The following ROCK1 variants were observed in gnomAD, a reference collection of about 807,000 sequenced individuals.
ROCK1 encodes the protein rho-associated protein kinase 1.
Under a neutral mutation model 196.8 loss-of-function variants are expected in ROCK1, and 36 were observed. The ratio of observed to expected loss-of-function variants is 0.18; its 90% CI spans 0.14 to 0.24. ROCK1 has a LOEUF of 0.24. Among genes scored for constraint, ROCK1 ranks in the 10% least tolerant of loss-of-function variants. The probability of loss-of-function intolerance (pLI) is 1.00; values close to 1 mark genes in which losing one functional copy is unlikely to be tolerated. For missense variants in ROCK1, 920 were observed against 1,562.0 expected (o/e 0.59, Z 6.93); for synonymous variants, 443 against 515.9 (o/e 0.86, Z 1.91).
At chr18:20,985,038 T>C (rs1467149631) in intron 19 of ROCK1, among the ~76,000 whole-genome samples, 1 of 151,712 alleles carries the variant, frequency 6.6e-6, no homozygotes, top group Non-Finnish European at 1.5e-5. Flanking sequence ...GAGTCAGAGG[T>C]TGCAGTGAGC....
chr18:21,022,229 G>A (rs1365358501), intron 11 of ROCK1, among the ~76,000 whole-genome samples: 1 of 152,022 alleles, frequency 6.6e-6, no homozygotes, highest in African/African-American at 2.4e-5. Context: ...TAATTACTCT[G>A]GATATTTTTC....
chr18:21,070,888 T>C (rs1220115880), intron 1 of ROCK1, among the ~76,000 whole-genome samples: 6 of 152,188 alleles, frequency 3.9e-5, no homozygotes, highest in Non-Finnish European at 8.8e-5. Flanking sequence ...TTTCCCCTCA[T>C]AAGGACATGA....
Position 21,028,860 on chromosome 18 carries a change from C to T in ROCK1, c.1127G>A (p.Gly376Glu). 6.2e-7 allele frequency: 1 copy of T among 1,612,776 alleles called. No homozygotes were observed. The highest frequency in any genetic ancestry group is 8.5e-7 in the Non-Finnish European group (1 of 1,179,496). ...SNFDDLEEDK[G>E]EEETFPIPKA... ...AGGAATAGGGAATGTTTCTTCCTCT[C>T]CTTTATCTTCTTCCAAGTCATCAAA... is the stretch of plus-strand genomic sequence containing the variant. Residue 376 changes from glycine (G) to glutamate (E), a missense_variant, in exon 10 of 33, where the codon GGA becomes GAA. This residue lies in a region of ROCK1 where 234 missense variants were observed against 460.7 expected (regional missense o/e 0.51). Transcript: ENST00000399799.
intron 2 of ROCK1, among the ~76,000 whole-genome samples, chr18:21,058,073 C>G (rs2036259186): frequency 6.6e-6 from 1 of 151,928 alleles, no homozygotes; most frequent in African/African-American, 2.4e-5. Context: ...AGAAATAGAA[C>G]AAACTGTATA....
chr18:21,062,216 C>T (rs2036297444), intron 2 of ROCK1, among the ~76,000 whole-genome samples: 1 of 151,872 alleles, frequency 6.6e-6, no homozygotes, highest in African/African-American at 2.4e-5. Flanking sequence ...GATTTCAGGG[C>T]TGAGGGAAAA....
At chr18:21,028,131 A>G (rs1164726289) in intron 10 of ROCK1, among the ~76,000 whole-genome samples, 1 of 149,234 alleles carries the variant, frequency 6.7e-6, no homozygotes, top group Non-Finnish European at 1.5e-5. Context: ...AAAAGTCTAC[A>G]TGCTGGCCAG....
intron 2 of ROCK1, among the ~76,000 whole-genome samples, chr18:21,068,878 G>C (rs1040448308): frequency 5.3e-5 from 8 of 152,036 alleles, no homozygotes; most frequent in Non-Finnish European, 1.2e-4. Flanking sequence ...GAATCTTGAG[G>C]ATTTTCTATA....
rs753948273 is a variant in ROCK1 at position 21,020,126 on chromosome 18, T to C, written c.1361+25A>G. ...TATTTGGTATATAAAACTTTTAATA[T>C]GAAAAACTTAAAGTATATTCTCACC... is the stretch of plus-strand genomic sequence containing the variant. On this transcript the variant is annotated intron_variant, in intron 12 of 32. Transcript: ENST00000399799. 4.8e-6 allele frequency: 7 copies of C among 1,448,108 alleles called. No homozygotes were observed. The Admixed American group carries it at 1.3e-4, about 26-fold the overall frequency. The allele number at this position is 1,448,108 out of a possible 1,614,324, so 89.7% of individuals were successfully genotyped here.
intron 1 of ROCK1, among the ~76,000 whole-genome samples, chr18:21,086,110 A>G (rs1281068662): frequency 1.1e-5 from 1 of 87,236 alleles, no homozygotes; most frequent in East Asian, 3.5e-4. Flanking sequence ...GTATGGAAAT[A>G]ATTTTTTTTT....
At chr18:21,025,663 G>C (rs1176955779) in intron 10 of ROCK1, among the ~76,000 whole-genome samples, 2 of 152,136 alleles carry the variant, frequency 1.3e-5, no homozygotes, top group East Asian at 1.9e-4. Flanking sequence ...TTGAACCCAG[G>C]AGGCAGAGAT....
At chr18:21,053,344 T>C (rs774076827) in intron 2 of ROCK1, among the ~76,000 whole-genome samples, 2 of 152,138 alleles carry the variant, frequency 1.3e-5, no homozygotes, top group Non-Finnish European at 2.9e-5. Context: ...TGGGATGAGA[T>C]ACTCTGTTTT....
intron 8 of ROCK1, among the ~76,000 whole-genome samples, chr18:21,041,789 A>T (rs1568391948): frequency 2.0e-5 from 3 of 152,066 alleles, no homozygotes; most frequent in Admixed American, 6.6e-5. Context: ...ATGTTAAAAA[A>T]TTTTTTTAGA....
Position 20,949,994 on chromosome 18 carries a change from T to C in ROCK1, c.*1390A>G, listed in dbSNP as rs1366032959. On this transcript the variant is annotated 3_prime_UTR_variant, in exon 33 of 33. Transcript: ENST00000399799. ...GCGGCTTTCAATACCACTTGAAACA[T>C]GCATATCATCCTAGAGACGATCGGT... 6.5e-6 allele frequency: 1 copy of C among 152,686 alleles called. No homozygotes were observed. Among genetic ancestry groups the C allele is most frequent in the Non-Finnish European group, 1.5e-5 (1 of 68,048 alleles). 9.5% of individuals were successfully genotyped at this position (152,686 alleles called of 1,614,324 possible).
At position 21,110,963 on chromosome 18, in the gene ROCK1, T is replaced by C; in HGVS notation, c.-53A>G. On this transcript the variant is annotated 5_prime_UTR_variant, in exon 1 of 33. Transcript: ENST00000399799. The stretch of plus-strand genomic sequence containing the variant: ...TACCAGCACCAGCAGCGGAAAGCAA[T>C]TTCAACCAACTTCCTCCGCGGTGGG... The C allele has an allele frequency of 6.7e-7, 1 of 1,484,080 alleles. No individual in the cohort carries two copies. The highest frequency in any genetic ancestry group is 9.4e-7 in the Non-Finnish European group (1 of 1,063,748). The allele number at this position is 1,484,080 out of a possible 1,614,324, so 91.9% of individuals were successfully genotyped here.
intron 2 of ROCK1, among the ~76,000 whole-genome samples, chr18:21,056,600 T>A (rs2143528343): frequency 6.6e-6 from 1 of 152,346 alleles, no homozygotes; most frequent in South Asian, 2.1e-4. Context: ...GCCCTGTGTC[T>A]ATTCTCAACA....
intron 12 of ROCK1, among the ~76,000 whole-genome samples, chr18:21,017,910 T>C (rs969243984): frequency 2.6e-5 from 4 of 151,028 alleles, no homozygotes; most frequent in Admixed American, 6.6e-5. Flanking sequence ...GAGGTGGAGC[T>C]TGCAGTGAGC....
At chr18:20,990,023 C>T (rs1403128885) in intron 18 of ROCK1, among the ~76,000 whole-genome samples, 1 of 149,028 alleles carries the variant, frequency 6.7e-6, no homozygotes, top group Non-Finnish European at 1.5e-5. Context: ...TGGAAGGATC[C>T]CTTGAGCCCA....
intron 1 of ROCK1, among the ~76,000 whole-genome samples, chr18:21,098,090 T>TA (rs1416742850): frequency 2.0e-5 from 3 of 152,188 alleles, no homozygotes; most frequent in African/African-American, 7.2e-5. Flanking sequence ...TAGTTATCCC[T>TA]AAAAAACACC....
At chr18:21,044,238 T>TA in intron 5 of ROCK1, 52 bp from the exon 6 acceptor site, 1 of 1,346,196 alleles carries the variant, frequency 7.4e-7, no homozygotes, top group South Asian at 1.2e-5. Context: ...TTAGACACTG[T>TA]AAAAATTATA....
Sources: gnomAD v4.1 joint callset for allele counts (sites outside exome capture counted in the v4.1 genomes callset) on GRCh38, gnomAD v4.1.1 for gene constraint, gnomAD v4.1.1 regional missense constraint, MANE v1.5 for transcripts, NCBI Gene and HGNC (gene_info 2026-07-23, HGNC 2026-07-21) for gene names.